Variants in VIM observed in about 807,000 individuals in gnomAD.
VIM encodes vimentin.
In VIM, 18 loss-of-function variants were observed where a neutral mutation model predicts 50.3. The ratio of observed to expected loss-of-function variants is 0.36; its 90% confidence interval spans 0.25 to 0.53. The LOEUF (loss-of-function observed/expected upper bound fraction) is 0.53. VIM is among the 20% of genes least tolerant of loss of function. The probability of loss-of-function intolerance (pLI) is 0.91; values close to 1 mark genes in which losing one functional copy is unlikely to be tolerated. For missense variants in VIM, 551 were observed against 614.7 expected (o/e 0.90, Z 1.10); for synonymous variants, 245 against 248.5 (o/e 0.99, Z 0.13).
At position 17,229,416 on chromosome 10, in the gene VIM, C is replaced by T; in HGVS notation, c.-7C>T. On this transcript the variant is annotated 5_prime_UTR_variant, in exon 2 of 10. Coordinates refer to ENST00000544301, the MANE Select transcript of VIM (RefSeq NM_003380.5). ...CGCCGCCCAGGCCATCGCCACCCTC[C>T]GCAGCCATGTCCACCAGGTCCGTGT... 1.2e-6 allele frequency: 2 copies of T among 1,600,392 alleles called. No homozygotes were observed. Among genetic ancestry groups the T allele is most frequent in the Non-Finnish European group, 1.7e-6 (2 of 1,177,734 alleles).
intron 3 of VIM, chr10:17,233,315 T>A (rs1846828230): frequency 2.3e-6 from 1 of 435,228 alleles, no homozygotes; most frequent in African/African-American, 2.0e-5. Context: ...CAGTTTACCA[T>A]GTGTGTGGAC....
At chr10:17,230,525 C>A in intron 2 of VIM, 125 bp from the exon 3 acceptor site, 8 of 1,076,932 alleles carry the variant, frequency 7.4e-6, no homozygotes, top group Non-Finnish European at 1.2e-5. Context: ...AAGCTGCAGG[C>A]GCTAGTTGCG....
At chr10:17,236,409 A>G in intron 9 of VIM, 30 bp downstream of exon 9, 1 of 1,500,792 alleles carries the variant, frequency 6.7e-7, no homozygotes, top group Non-Finnish European at 9.3e-7. Context: ...AAAATAGGGT[A>G]ATCTCAGACA....
intron 3 of VIM, among the ~76,000 whole-genome samples, chr10:17,232,876 A>T (rs1846820728): frequency 6.6e-6 from 1 of 152,260 alleles, no homozygotes; most frequent in African/African-American, 2.4e-5. Context: ...ATGTTATTCC[A>T]TGAAATTACA....
intron 2 of VIM, 28 bp from the exon 3 acceptor site, chr10:17,230,622 C>A: frequency 6.2e-7 from 1 of 1,613,750 alleles, no homozygotes. Context: ...TTCCTCGTTC[C>A]CCTTTGGTTA....
intron 7 of VIM, 88 bp from the exon 8 acceptor site, chr10:17,235,758 G>A (rs1035574791): frequency 2.8e-5 from 36 of 1,288,942 alleles, no homozygotes; most frequent in Non-Finnish European, 3.2e-5. Context: ...GTTTTCTTAC[G>A]TGACGAAAAC....
chr10:17,230,444 C>A, intron 2 of VIM: 1 of 679,736 alleles, frequency 1.5e-6, no homozygotes, highest in South Asian at 1.6e-5. Flanking sequence ...TAGGTCTGTG[C>A]GGCCACCGTG....
intron 5 of VIM, 32 bp downstream of exon 5, chr10:17,233,963 A>C (rs1238015438): frequency 6.3e-7 from 1 of 1,593,626 alleles, no homozygotes; most frequent in Non-Finnish European, 8.5e-7. Flanking sequence ...CTTCAACCAA[A>C]GAAAAGCATT....
chr10:17,236,075 CT>C, intron 8 of VIM, 186 bp downstream of exon 8: 1 of 728,246 alleles, frequency 1.4e-6, no homozygotes. Context: ...ATGCAAACTC[CT>C]TTTTCCTTCT....
rs747026048 is a variant in VIM, at chr10:17,236,276, G to T, written c.1274-18G>T. The T allele has an allele frequency of 1.3e-6, 2 of 1,587,666 alleles. No homozygotes were observed. Among genetic ancestry groups the T allele is most frequent in the South Asian group, 2.2e-5 (2 of 90,490 alleles). On this transcript the variant is annotated intron_variant, in intron 8 of 9. Transcript: ENST00000544301. ...AAAAACTCGTTTTTACTCATTTTTG[G>T]CCTGTTTGTTTATTTAGAAACTAAT...
intron 1 of VIM, 78 bp from the exon 2 acceptor site, chr10:17,229,198 T>C: frequency 3.5e-6 from 1 of 288,478 alleles, no homozygotes; most frequent in Non-Finnish European, 6.5e-6. Flanking sequence ...GCTGGCGCGC[T>C]CCGCGGCTGG....
chr10:17,236,260 T>C (rs1846888122), intron 8 of VIM, 34 bp from the exon 9 acceptor site: 2 of 1,530,456 alleles, frequency 1.3e-6, no homozygotes, highest in Non-Finnish European at 1.8e-6. Context: ...AAAAAACTCG[T>C]TTTTACTCAT....
intron 3 of VIM, among the ~76,000 whole-genome samples, chr10:17,231,851 C>G (rs1322093218): frequency 6.6e-6 from 1 of 151,230 alleles, no homozygotes; most frequent in Admixed American, 6.6e-5. Context: ...GCCAGAAGAT[C>G]CCCATTATAG....
At chr10:17,234,002 G>C in intron 5 of VIM, 71 bp downstream of exon 5, 1 of 1,550,620 alleles carries the variant, frequency 6.4e-7, no homozygotes, top group South Asian at 1.2e-5. Flanking sequence ...ACCTGTGTGT[G>C]ATTCCTAAAT....
intron 3 of VIM, among the ~76,000 whole-genome samples, chr10:17,231,678 T>A (rs1588733515): frequency 6.6e-6 from 1 of 152,282 alleles, no homozygotes; most frequent in Admixed American, 6.5e-5. Context: ...CTTGATTGGG[T>A]TCTTGTGTTC....
chr10:17,234,000 G>A, intron 5 of VIM, 69 bp downstream of exon 5: 1 of 1,552,202 alleles, frequency 6.4e-7, no homozygotes, highest in South Asian at 1.2e-5. Context: ...ATACCTGTGT[G>A]TGATTCCTAA....
At chr10:17,233,266 A>G in intron 3 of VIM, 1 of 351,822 alleles carries the variant, frequency 2.8e-6, no homozygotes, top group Non-Finnish European at 5.4e-6. Flanking sequence ...TAATTTTAAA[A>G]TATCACTGGT....
chr10:17,230,596 C>A, intron 2 of VIM, 54 bp from the exon 3 acceptor site: 1 of 1,605,132 alleles, frequency 6.2e-7, no homozygotes, highest in Non-Finnish European at 8.5e-7. Flanking sequence ...GGTGTGGCCG[C>A]CCCGCCCCTG....
Position 17,229,372 on chromosome 10 carries a change from A to G in VIM, c.-51A>G. 6.5e-7 allele frequency: 1 copy of G among 1,545,418 alleles called. No homozygotes were observed. Among genetic ancestry groups the G allele is most frequent in the Non-Finnish European group, 8.7e-7 (1 of 1,149,524 alleles). ...CGCCCTCGTTCGCCTCTTCTCCGGG[A>G]GCCAGTCCGCGCCACCGCCGCCGCC... On this transcript the variant is annotated 5_prime_UTR_variant, in exon 2 of 10. Transcript: ENST00000544301.
Sources: allele counts gnomAD v4.1 joint callset (sites outside exome capture counted in the v4.1 genomes callset), GRCh38; gene constraint gnomAD v4.1.1; transcripts MANE v1.5; gene names NCBI Gene and HGNC (gene_info 2026-07-23, HGNC 2026-07-21).